Variants in FAXC observed in about 807,000 individuals in gnomAD.
FAXC encodes failed axon connections homolog, metaxin like GST domain containing, also known as failed axon connections homolog.
Under a neutral mutation model 41.9 loss-of-function variants are expected in FAXC, and 10 were observed. The observed-to-expected ratio is 0.24, with a 90% CI of 0.15 to 0.41. FAXC has a LOEUF of 0.41. FAXC is among the 10% of genes least tolerant of loss of function. FAXC has a pLI of 1.00. For synonymous variants in FAXC, 183 were observed against 183.8 expected, an observed-to-expected ratio of 1.00 and a Z score of 0.03; for missense variants, 399 against 510.9, an observed-to-expected ratio of 0.78 and a Z score of 2.11.
chr6:99,288,369 GAGT>G (rs1468411683), intron 5 of FAXC, among the ~76,000 whole-genome samples: 3 of 152,162 alleles, frequency 2.0e-5, no homozygotes, highest in African/African-American at 7.2e-5. Context: ...TAGAGCATGT[GAGT>G]AGATGTGAGT....
chr6:99,278,545 C>T lies in FAXC; in HGVS notation c.*2619G>A, dbSNP rs1401086134. On this transcript the variant is annotated 3_prime_UTR_variant, in exon 6 of 6. Coordinates refer to ENST00000389677, the MANE Select transcript of FAXC (RefSeq NM_032511.4). ...AGCACCTGTTCATGAAATTGGAGAACATTTCAAATCTGGGTAGCTTAAGAA... is the reference window on the plus strand; with the variant it reads ...AGCACCTGTTCATGAAATTGGAGAATATTTCAAATCTGGGTAGCTTAAGAA... The T allele has an allele frequency of 1.3e-5, 2 of 152,212 alleles. No homozygotes were observed. The highest frequency in any genetic ancestry group is 4.8e-5 in the African/African-American group (2 of 41,460). The allele number at this position is 152,212 out of a possible 1,614,324, so 9.4% of individuals were successfully genotyped here.
intron 5 of FAXC, among the ~76,000 whole-genome samples, chr6:99,288,113 G>C (rs1330189235): frequency 6.6e-6 from 1 of 152,086 alleles, no homozygotes; most frequent in Non-Finnish European, 1.5e-5. Flanking sequence ...GTCCTTTCAG[G>C]AAGTAATAGA....
chr6:99,279,496 C>T lies in FAXC; in HGVS notation c.*1668G>A, dbSNP rs1260505670. On this transcript the variant is annotated 3_prime_UTR_variant, in exon 6 of 6. Transcript: ENST00000389677. ...TTTTTCAAGTAAAGTGCATGGATTT[C>T]TCAGAAGTTGCTGTATTTTAAGAAG... 20 of 150,388 alleles carry T rather than the reference C, an allele frequency of 1.3e-4. 2 individuals carry two copies. The highest frequency in any genetic ancestry group is 2.7e-4 in the Non-Finnish European group (18 of 67,732). The allele number at this position is 150,388 out of a possible 1,614,324, so 9.3% of individuals were successfully genotyped here. A position where few individuals can be genotyped will look rare whatever the true frequency, so the allele number is the denominator to read the frequency against.
At position 99,278,704 on chromosome 6, in the gene FAXC, A is replaced by G. The variant is rs1357664490; in HGVS notation, c.*2460T>C. The G allele has an allele frequency of 6.6e-6, 1 of 152,150 alleles. No individual in the cohort carries two copies. Among genetic ancestry groups the G allele is most frequent in the Admixed American group, 6.5e-5 (1 of 15,280 alleles). The allele number at this position is 152,150 out of a possible 1,614,324, so 9.4% of individuals were successfully genotyped here. On this transcript the variant is annotated 3_prime_UTR_variant, in exon 6 of 6. Coordinates refer to ENST00000389677, the MANE Select transcript of FAXC (RefSeq NM_032511.4). Reference sequence around the variant, plus strand: ...TTCTAGGGCTCTAAATCAAATTAACACCTACAAAATGTTGATGCCCAGTTA... The same window carrying G: ...TTCTAGGGCTCTAAATCAAATTAACGCCTACAAAATGTTGATGCCCAGTTA...
intron 4 of FAXC, among the ~76,000 whole-genome samples, chr6:99,294,864 T>C (rs148668056): frequency 2.6e-4 from 40 of 152,252 alleles, no homozygotes; most frequent in African/African-American, 9.4e-4. Context: ...AAATAGCGCA[T>C]ATAATGTCTG....
chr6:99,284,598 T>TGTGTGTGTGA (rs34495212), intron 5 of FAXC, among the ~76,000 whole-genome samples: 3,973 of 142,890 alleles, frequency 0.028, 150 homozygotes, highest in Admixed American at 0.082. Context: ...TGTGTGTGTG[T>TGTGTGTGTGA]GATAAGCCTG....
At chr6:99,308,149 T>C (rs1006306604) in intron 4 of FAXC, among the ~76,000 whole-genome samples, 6 of 152,014 alleles carry the variant, frequency 3.9e-5, no homozygotes, top group African/African-American at 1.4e-4. Context: ...ATACAAAAAT[T>C]ACCCAGGCAT....
intron 1 of FAXC, among the ~76,000 whole-genome samples, chr6:99,343,634 A>T (rs765771561): frequency 1.6e-4 from 24 of 152,354 alleles, no homozygotes; most frequent in Non-Finnish European, 2.8e-4. Flanking sequence ...GGTTTTGGCC[A>T]TTAGACTATA....
chr6:99,307,519 A>G (rs1771972825), intron 4 of FAXC, among the ~76,000 whole-genome samples: 1 of 152,084 alleles, frequency 6.6e-6, no homozygotes, highest in African/African-American at 2.4e-5. Context: ...AGGGAAGTCA[A>G]TATGGGAAGG....
intron 4 of FAXC, among the ~76,000 whole-genome samples, chr6:99,296,911 T>C (rs1416201359): frequency 3.3e-5 from 5 of 152,258 alleles, no homozygotes; most frequent in African/African-American, 1.2e-4. Flanking sequence ...CTGGGTGGTT[T>C]AGGCAGCTCC....
At chr6:99,331,027 C>A (rs1300198675) in intron 3 of FAXC, among the ~76,000 whole-genome samples, 1 of 152,146 alleles carries the variant, frequency 6.6e-6, no homozygotes, top group African/African-American at 2.4e-5. Context: ...TGGCTAAAGG[C>A]TTGAGAACCT....
upstream of FAXC, chr6:99,349,700 A>T (rs1011988621): frequency 5.3e-5 from 8 of 151,794 alleles, no homozygotes; most frequent in African/African-American, 1.9e-4. Context: ...TCCCCGGGGC[A>T]GGGAAACAGA....
chr6:99,343,098 C>T, intron 1 of FAXC, 65 bp from the exon 2 acceptor site: 1 of 1,448,652 alleles, frequency 6.9e-7, no homozygotes, highest in South Asian at 1.4e-5. Flanking sequence ...TCCCTTATTT[C>T]TTGAGAGGAC....
At chr6:99,319,352 T>C (rs1772503081) in intron 4 of FAXC, among the ~76,000 whole-genome samples, 2 of 148,526 alleles carry the variant, frequency 1.3e-5, no homozygotes, top group Admixed American at 1.4e-4. Context: ...TGAGCCGAGA[T>C]TGCACCACTG....
intron 3 of FAXC, among the ~76,000 whole-genome samples, chr6:99,327,495 C>T (rs1232616014): frequency 6.6e-6 from 1 of 152,088 alleles, no homozygotes; most frequent in Non-Finnish European, 1.5e-5. Flanking sequence ...GTATCTGACA[C>T]TATTGGCCTC....
chr6:99,293,520 T>C (rs376096025), intron 4 of FAXC, among the ~76,000 whole-genome samples: 3 of 152,222 alleles, frequency 2.0e-5, no homozygotes, highest in South Asian at 2.1e-4. Context: ...TATAGGACTT[T>C]AAGGCATTTA....
chr6:99,286,877 G>A (rs904274301), intron 5 of FAXC, among the ~76,000 whole-genome samples: 1 of 151,994 alleles, frequency 6.6e-6, no homozygotes, highest in African/African-American at 2.4e-5. Context: ...CCTAATCAAG[G>A]AGCAAAAATT....
chr6:99,321,608 T>A (rs540565994), intron 4 of FAXC, among the ~76,000 whole-genome samples: 8 of 152,374 alleles, frequency 5.3e-5, no homozygotes, highest in African/African-American at 1.9e-4. Flanking sequence ...CTGCTCAGCT[T>A]CTCATCCCAG....
intron 4 of FAXC, among the ~76,000 whole-genome samples, chr6:99,301,719 T>G (rs1452192451): frequency 2.6e-5 from 4 of 152,330 alleles, no homozygotes; most frequent in East Asian, 3.9e-4. Flanking sequence ...GATAAGATTC[T>G]ACTTCTACAA....
Sources: allele counts gnomAD v4.1 joint callset (sites outside exome capture counted in the v4.1 genomes callset), GRCh38; gene constraint gnomAD v4.1.1; transcripts MANE v1.5; gene names NCBI Gene and HGNC (gene_info 2026-07-23, HGNC 2026-07-21).